ECHDC2: variants seen among roughly 807,000 people sequenced by gnomAD.
ECHDC2 encodes enoyl-CoA hydratase domain containing 2.
Under a neutral mutation model 40.6 loss-of-function variants are expected in ECHDC2, and 34 were observed. The ratio of observed to expected loss-of-function variants is 0.84; its 90% CI spans 0.64 to 1.11. The LOEUF (loss-of-function observed/expected upper bound fraction) is 1.11, where lower values mean the gene tolerates loss of function less well. Ranked by LOEUF, ECHDC2 falls within the 50% of genes most tolerant of loss-of-function variation. The pLI is 0.00. For synonymous variants in ECHDC2, 162 were observed against 166.6 expected (o/e 0.97, Z 0.21); for missense variants, 392 against 400.7 (o/e 0.98, Z 0.19).
At chr1:52,904,349 A>G (rs1571933313) in intron 7 of ECHDC2, among the ~76,000 whole-genome samples, 1 of 152,240 alleles carries the variant, frequency 6.6e-6, no homozygotes, top group African/African-American at 2.4e-5. Context: ...AGTGGCTCCC[A>G]TACTGGATAA....
intron 1 of ECHDC2, chr1:52,920,472 G>A (rs997138148): frequency 2.2e-5 from 32 of 1,463,180 alleles, no homozygotes; most frequent in South Asian, 1.7e-4. Flanking sequence ...GGAGATGGAC[G>A]AGGAAGATAA....
At chr1:52,904,623 C>G (rs1647259762) in intron 7 of ECHDC2, 23 bp downstream of exon 7, 2 of 1,550,216 alleles carry the variant, frequency 1.3e-6, no homozygotes, top group Non-Finnish European at 1.7e-6. Flanking sequence ...AGCCCTCCTT[C>G]TGGTGCCGAG....
chr1:52,904,609 C>T, intron 7 of ECHDC2, 37 bp downstream of exon 7: 1 of 1,527,620 alleles, frequency 6.5e-7, no homozygotes, highest in Non-Finnish European at 8.8e-7. Flanking sequence ...TCCCCCATGA[C>T]TCCAGCCCTC....
At chr1:52,899,968 T>C (rs1180955920) in intron 7 of ECHDC2, 1 of 146,186 alleles carries the variant, frequency 6.8e-6, no homozygotes, top group Non-Finnish European at 1.5e-5. Flanking sequence ...GAAGTGTTTA[T>C]AAAACTTTCT....
In ECHDC2 at chr1:52,905,057, G is replaced by A. The variant is rs527507389; in HGVS notation, c.491C>T (p.Thr164Met). ...SSAVMGLIET[T>M]RGLLPGAGGT... Reference sequence around the variant, plus strand: ...ACCTGCCCCCGGGAGGAGCCCTCGCGTGGTCTCAATCAGTCCCATGACTGC... The same window carrying A: ...ACCTGCCCCCGGGAGGAGCCCTCGCATGGTCTCAATCAGTCCCATGACTGC... The change falls in exon 6 of 10, where the codon ACG (threonine) becomes ATG (methionine). Residue 164 changes from threonine to methionine, a missense_variant. By Grantham distance (81) the Thr-to-Met change is moderately conservative (BLOSUM62 -1). Transcript: ENST00000371522. 1.3e-4 allele frequency: 205 copies of A among 1,614,130 alleles called. 3 individuals are homozygous for A. The South Asian group carries it at 1.9e-3, about 15-fold the overall frequency.
rs777717299 is a variant in ECHDC2 at position 52,896,364 on chromosome 1, C to T, written c.*156G>A. 1.7e-4 allele frequency: 113 copies of T among 671,266 alleles called. No individual in the cohort carries two copies. Among genetic ancestry groups the T allele is most frequent in the Non-Finnish European group, 2.6e-4 (98 of 373,670 alleles). 41.6% of individuals were successfully genotyped at this position (671,266 alleles called of 1,614,324 possible). A position where few individuals can be genotyped will look rare whatever the true frequency, so the allele number is the denominator to read the frequency against. ...GGTGGTAGGATCAGCACCTTGGTTCCAGGCATCACGCCAGTCATTTTATTT... is the reference window on the plus strand; with the variant it reads ...GGTGGTAGGATCAGCACCTTGGTTCTAGGCATCACGCCAGTCATTTTATTT... On this transcript the variant is annotated 3_prime_UTR_variant, in exon 10 of 10. Transcript: ENST00000371522.
intron 9 of ECHDC2, chr1:52,896,823 A>G (rs1646665234): frequency 3.8e-6 from 2 of 522,856 alleles, no homozygotes; most frequent in Admixed American, 3.1e-5. Context: ...ATTAGCCTCC[A>G]CTTGCACACT....
At chr1:52,916,133 TCTG>T (rs1650619870) in intron 1 of ECHDC2, among the ~76,000 whole-genome samples, 1 of 152,210 alleles carries the variant, frequency 6.6e-6, no homozygotes, top group African/African-American at 2.4e-5. Flanking sequence ...AGCAGAGAAC[TCTG>T]CTAAGTTGTG....
In ECHDC2 at chr1:52,897,498, G is replaced by A. The variant is rs200691425; in HGVS notation, c.754-14C>T. ...TGCAATGTCCACCTGCAAGAAAGAC[G>A]TGCTCCCTGGATTGGTCTGACCTTG... On this transcript the variant is annotated splice_polypyrimidine_tract_variant and intron_variant, in intron 8 of 9. Coordinates refer to ENST00000371522, the MANE Select transcript of ECHDC2 (RefSeq NM_001198961.2). 14 of 1,614,090 alleles carry A rather than the reference G, an allele frequency of 8.7e-6. 1 individual carries two copies. The highest frequency in any genetic ancestry group is 6.7e-5 in the East Asian group (3 of 44,876).
Position 52,906,508 on chromosome 1 carries a change from T to A in ECHDC2, c.457+11A>T. On this transcript the variant is annotated intron_variant, in intron 5 of 9. Transcript: ENST00000371522. ...TAGCCCCACCCCCTGCCCCCAGTCC[T>A]GGCCCAGTACCTGCCACTCGGAGGT... The A allele has an allele frequency of 6.2e-7, 1 of 1,605,122 alleles. No homozygotes were observed. Among genetic ancestry groups the A allele is most frequent in the Non-Finnish European group, 8.5e-7 (1 of 1,176,092 alleles).
chr1:52,917,442 A>T (rs1650960709), intron 1 of ECHDC2: 3 of 410,118 alleles, frequency 7.3e-6, no homozygotes, highest in South Asian at 3.6e-5. Flanking sequence ...TGGGGGACGG[A>T]GCAGCAGAGC....
At chr1:52,899,348 T>A (rs878975889) in intron 7 of ECHDC2, 124 bp from the exon 8 acceptor site, 1 of 867,416 alleles carries the variant, frequency 1.2e-6, no homozygotes, top group South Asian at 1.7e-5. Flanking sequence ...GCCATTCTGC[T>A]GACAGTTTCT....
chr1:52,920,361 G>A (rs1651601546), intron 1 of ECHDC2: 5 of 678,596 alleles, frequency 7.4e-6, no homozygotes, highest in Non-Finnish European at 1.3e-5. Flanking sequence ...TTGTCAAGCC[G>A]GTAAAAAGGA....
At chr1:52,920,639 T>C in intron 1 of ECHDC2, 2 of 889,714 alleles carry the variant, frequency 2.2e-6, no homozygotes, top group Non-Finnish European at 3.7e-6. Context: ...CTTTATTTCA[T>C]CAGTATTTAA....
rs557275524 is a variant in ECHDC2 at position 52,911,544 on chromosome 1, G to C, written c.277+22C>G. ...GGTGGGCACCCTGCAGAGCACAGAT[G>C]GGGGCAGGAGAGAGAACCTACCTGC... On this transcript the variant is annotated intron_variant, in intron 3 of 9. Coordinates refer to ENST00000371522, the MANE Select transcript of ECHDC2 (RefSeq NM_001198961.2). 7.6e-5 allele frequency: 123 copies of C among 1,609,406 alleles called. No individual in the cohort carries two copies. In the East Asian group the frequency reaches 1.1e-3, roughly 15 times the overall value.
intron 5 of ECHDC2, 174 bp from the exon 6 acceptor site, chr1:52,905,264 C>A: frequency 4.7e-6 from 3 of 638,612 alleles, no homozygotes; most frequent in Non-Finnish European, 8.2e-6. Context: ...GCCCAGAAGT[C>A]AGGAGCCCAG....
chr1:52,908,828 G>T (rs1648619502), intron 3 of ECHDC2, among the ~76,000 whole-genome samples: 1 of 151,326 alleles, frequency 6.6e-6, no homozygotes, highest in South Asian at 2.1e-4. Context: ...CAGCTACTAG[G>T]GAGGTTGAGG....
intron 1 of ECHDC2, among the ~76,000 whole-genome samples, chr1:52,918,550 T>C (rs1651230441): frequency 6.6e-6 from 1 of 152,098 alleles, no homozygotes; most frequent in African/African-American, 2.4e-5. Flanking sequence ...TGTGTGCTTG[T>C]GTCTTTGTTT....
chr1:52,915,537 C>T (rs992090769), intron 1 of ECHDC2, among the ~76,000 whole-genome samples: 9 of 152,114 alleles, frequency 5.9e-5, no homozygotes, highest in Middle Eastern at 3.2e-3. Context: ...GTGCAGATGG[C>T]CATAAGGTCG....
Sources: gnomAD v4.1 joint callset for allele counts (sites outside exome capture counted in the v4.1 genomes callset) on GRCh38, gnomAD v4.1.1 for gene constraint, MANE v1.5 for transcripts, NCBI Gene and HGNC (gene_info 2026-07-23, HGNC 2026-07-21) for gene names.